The following ZNF516 variants were observed in gnomAD, a reference collection of about 807,000 sequenced individuals.
ZNF516 encodes zinc finger protein 516.
ZNF516 carries 19 observed loss-of-function variants against 79.7 expected under a neutral mutation model. The observed-to-expected ratio is 0.24, with a 90% CI of 0.17 to 0.35. ZNF516 has a LOEUF of 0.35. Among genes scored for constraint, ZNF516 ranks in the 10% least tolerant of loss-of-function variants. ZNF516 has a pLI of 1.00. For missense variants in ZNF516, 1,678 were observed against 1,679.5 expected, an observed-to-expected ratio of 1.00 and a Z score of 0.02; for synonymous variants, 877 against 739.5, an observed-to-expected ratio of 1.19 and a Z score of -3.02.
chr18:76,465,959 G>C (rs906536752), intron 1 of ZNF516, among the ~76,000 whole-genome samples: 1 of 152,196 alleles, frequency 6.6e-6, no homozygotes, highest in African/African-American at 2.4e-5. Context: ...CAGCTAGACT[G>C]CGCCCAAACC....
intron 1 of ZNF516, among the ~76,000 whole-genome samples, chr18:76,482,841 C>T (rs78195902): frequency 2.1e-3 from 317 of 152,282 alleles, no homozygotes; most frequent in African/African-American, 7.3e-3. Context: ...CCTCACACCA[C>T]GGCCTACAGG....
intron 3 of ZNF516, among the ~76,000 whole-genome samples, chr18:76,431,417 T>C (rs1345727112): frequency 6.6e-6 from 1 of 152,256 alleles, no homozygotes; most frequent in East Asian, 1.9e-4. Flanking sequence ...AAGAACTGAC[T>C]GAGCCTAAGT....
intron 1 of ZNF516, among the ~76,000 whole-genome samples, chr18:76,473,917 G>GGGGGGTTTTT (rs1376026558): frequency 1.9e-5 from 2 of 107,658 alleles, no homozygotes; most frequent in Non-Finnish European, 4.0e-5. Context: ...GGGGGGGGGG[G>GGGGGGTTTTT]CTTTCTTTTT....
At chr18:76,481,399 G>C (rs1192172637) in intron 1 of ZNF516, among the ~76,000 whole-genome samples, 1 of 152,222 alleles carries the variant, frequency 6.6e-6, no homozygotes, top group Non-Finnish European at 1.5e-5. Flanking sequence ...TCTAGAAAGA[G>C]GAAGGGTGGA....
intron 3 of ZNF516, among the ~76,000 whole-genome samples, chr18:76,440,401 C>T (rs576267754): frequency 4.6e-5 from 7 of 152,294 alleles, no homozygotes; most frequent in East Asian, 1.9e-4. Context: ...CAGTCAGTAA[C>T]GGCGTTGCAG....
intron 3 of ZNF516, among the ~76,000 whole-genome samples, chr18:76,403,867 T>C (rs1463677608): frequency 1.3e-5 from 2 of 152,220 alleles, no homozygotes; most frequent in African/African-American, 4.8e-5. Flanking sequence ...GAAATACTTA[T>C]GATTTTTAAA....
chr18:76,487,327 G>T (rs1391872991), intron 1 of ZNF516, among the ~76,000 whole-genome samples: 4 of 152,180 alleles, frequency 2.6e-5, no homozygotes, highest in Non-Finnish European at 5.9e-5. Context: ...AGTTGCAACT[G>T]CTGGTTTTTA....
At position 76,379,567 on chromosome 18, in the gene ZNF516, A is replaced by G; in HGVS notation, c.2547T>C (p.Ser849=). 6.2e-7 allele frequency: 1 copy of G among 1,613,594 alleles called. No homozygotes were observed. The highest frequency in any genetic ancestry group is 8.5e-7 in the Non-Finnish European group (1 of 1,179,868). The change falls in exon 4 of 7, where the codon AGT becomes AGC. Residue 849 remains serine (S), a synonymous_variant. Coordinates refer to ENST00000443185, the MANE Select transcript of ZNF516 (RefSeq NM_014643.4). ...TGACCACTCCCAGGGGAGAAGAGCC[A>G]CTTTTGGACCCCGGCATCCCCCCTG... ...QVPGGMPGSK[S]GSSPLGVVTK...
chr18:76,495,248 GACCGCGCCA>G (rs1229331896), upstream of ZNF516: 1 of 146,272 alleles, frequency 6.8e-6, no homozygotes, highest in Non-Finnish European at 1.5e-5. Context: ...GCACTAGACC[GACCGCGCCA>G]GCTGCGCCCG....
chr18:76,475,856 C>A (rs1032645777), intron 1 of ZNF516, among the ~76,000 whole-genome samples: 2 of 152,144 alleles, frequency 1.3e-5, no homozygotes, highest in African/African-American at 2.4e-5. Context: ...ATTTTAAATT[C>A]TTTAAAATGT....
At chr18:76,488,051 GC>G in intron 1 of ZNF516, 1 of 985,170 alleles carries the variant, frequency 1.0e-6, no homozygotes, top group Non-Finnish European at 1.2e-6. Flanking sequence ...CTTGTCCACA[GC>G]CCCCACCTCC....
At chr18:76,373,017 A>C (rs1426306) in intron 4 of ZNF516, 1 of 152,232 alleles carries the variant, frequency 6.6e-6, no homozygotes, top group South Asian at 2.1e-4. Flanking sequence ...CAGGCGAGTG[A>C]TGCATGCCTA....
intron 1 of ZNF516, among the ~76,000 whole-genome samples, chr18:76,484,489 G>A (rs1914715533): frequency 6.6e-6 from 1 of 152,152 alleles, no homozygotes; most frequent in Non-Finnish European, 1.5e-5. Context: ...CTCTAAAATG[G>A]CGGCCGCCCT....
In ZNF516 at chr18:76,380,163, A is replaced by G. The variant is rs2074866934; in HGVS notation, c.1951T>C (p.Ser651Pro). The G allele has an allele frequency of 6.2e-7, 1 of 1,613,900 alleles. No individual in the cohort carries two copies. The highest frequency in any genetic ancestry group is 2.2e-5 in the East Asian group (1 of 44,866). The change falls in exon 4 of 7, where the codon TCC becomes CCC. Residue 651 changes from serine to proline, a missense_variant. Physicochemically the swap from Ser to Pro is moderately conservative, Grantham distance 74 (BLOSUM62 -1). Around this residue, in one of 5 missense-constraint regions of ZNF516, gnomAD observed 1,294 missense variants for 1,248.3 expected, o/e 1.04. Transcript: ENST00000443185. ...TCTCTGCTACTGTTTTCAAGTATGG[A>G]CACAGAAGCTGCGATCCCTGCCTTG... is the stretch of plus-strand genomic sequence containing the variant. ...ESKAGIAASVSILENSSRETS... is the reference protein window; with the variant it reads ...ESKAGIAASVPILENSSRETS...
intron 1 of ZNF516, among the ~76,000 whole-genome samples, chr18:76,475,992 G>T (rs1181125915): frequency 6.6e-6 from 1 of 152,102 alleles, no homozygotes; most frequent in Non-Finnish European, 1.5e-5. Context: ...GTTGTGAAAC[G>T]TCTCACACAC....
chr18:76,404,780 CAT>C (rs1296661227), intron 3 of ZNF516, among the ~76,000 whole-genome samples: 17 of 151,576 alleles, frequency 1.1e-4, no homozygotes, highest in East Asian at 3.9e-4. Flanking sequence ...AGCATGAGTA[CAT>C]GTGTGAGCAT....
Position 76,481,633 on chromosome 18 carries a change from T to C in ZNF516, c.-272+13511A>G, listed in dbSNP as rs143930818. Reference sequence around the variant, plus strand: ...CTCTCGGGTAAAAGGGGATGGGAATTACTGCCTGTTTCCTAAGACCTGTGC... The same window carrying C: ...CTCTCGGGTAAAAGGGGATGGGAATCACTGCCTGTTTCCTAAGACCTGTGC... On this transcript the variant is annotated intron_variant, in intron 1 of 6. Coordinates refer to ENST00000443185, the MANE Select transcript of ZNF516 (RefSeq NM_014643.4). Among the ~76,000 whole-genome samples, 414 of 152,322 alleles carry C rather than the reference T, an allele frequency of 2.7e-3. 1 individual carries two copies. Among genetic ancestry groups the C allele is most frequent in the African/African-American group, 9.5e-3 (396 of 41,558 alleles).
intron 1 of ZNF516, among the ~76,000 whole-genome samples, chr18:76,468,268 T>C (rs1913612416): frequency 6.6e-6 from 1 of 152,208 alleles, no homozygotes; most frequent in African/African-American, 2.4e-5. Context: ...GCTCTTTTAG[T>C]AAGAAAAACA....
chr18:76,494,194 T>C (rs1007612186), intron 1 of ZNF516, among the ~76,000 whole-genome samples: 1 of 152,188 alleles, frequency 6.6e-6, no homozygotes, highest in Non-Finnish European at 1.5e-5. Flanking sequence ...AACAAACTTA[T>C]TCATACAAAG....
Sources: gnomAD v4.1 joint callset for allele counts (sites outside exome capture counted in the v4.1 genomes callset) on GRCh38, gnomAD v4.1.1 for gene constraint, gnomAD v4.1.1 regional missense constraint, MANE v1.5 for transcripts, NCBI Gene and HGNC (gene_info 2026-07-23, HGNC 2026-07-21) for gene names.